Variants in MED16 observed in about 807,000 individuals in gnomAD.
The protein encoded by MED16 is mediator complex subunit 16.
Under a neutral mutation model 84.4 loss-of-function variants are expected in MED16, and 81 were observed. The ratio of observed to expected loss-of-function variants is 0.96; its 90% CI spans 0.80 to 1.15. MED16 has a LOEUF of 1.15. Ranked by LOEUF, MED16 falls within the 50% of genes most tolerant of loss-of-function variation. MED16 has a pLI of 0.00. For synonymous variants in MED16, 897 were observed against 552.2 expected (o/e 1.62, Z -8.76); for missense variants, 1,585 against 1,245.9 (o/e 1.27, Z -4.10).
chr19:872,576 G>A (rs1484513183), intron 11 of MED16, among the ~76,000 whole-genome samples: 2 of 151,854 alleles, frequency 1.3e-5, no homozygotes, highest in Admixed American at 6.6e-5. Flanking sequence ...GTGGAGAAGG[G>A]CGGGCCCCAG....
Position 868,776 on chromosome 19 carries a change from G to A in MED16, c.2399+87C>T, listed in dbSNP as rs369931110. ...CGTGCTCCCTCCACCACCCTTGACC[G>A]TCTGGAGCGCTGGGTGGGGGCTAGA... On this transcript the variant is annotated intron_variant, in intron 14 of 15. Coordinates refer to ENST00000325464, the MANE Select transcript of MED16 (RefSeq NM_005481.3). 671 of 1,389,736 alleles carry A rather than the reference G, an allele frequency of 4.8e-4. 1 individual carries two copies. The highest frequency in any genetic ancestry group is 5.6e-4 in the African/African-American group (39 of 69,594). The allele number at this position is 1,389,736 out of a possible 1,614,324, so 86.1% of individuals were successfully genotyped here.
At chr19:877,781 GCCCCAGCC>G in intron 8 of MED16, among the ~76,000 whole-genome samples, 1 of 32,544 alleles carries the variant, frequency 3.1e-5, no homozygotes, top group South Asian at 1.0e-3. Context: ...CCCAGCCCCA[GCCCCAGCC>G]CCAGCCCCAC....
chr19:890,003 G>C, intron 3 of MED16, 134 bp downstream of exon 3: 1 of 839,972 alleles, frequency 1.2e-6, no homozygotes, highest in Non-Finnish European at 1.8e-6. Context: ...ACTATGGAAA[G>C]AGCAGCAGGT....
Position 881,293 on chromosome 19 carries a change from G to A in MED16, c.1141+266C>T, listed in dbSNP as rs529318878. Among the ~76,000 whole-genome samples, 8 of 152,340 alleles carry A rather than the reference G, an allele frequency of 5.3e-5. No homozygotes were observed. The East Asian group carries it at 1.5e-3, about 29-fold the overall frequency. ...GGAAGGAGTTCCACCAAGTTCCCCA[G>A]GCTCCCTTGTTGATTTGCAATGACT... On this transcript the variant is annotated intron_variant, in intron 7 of 15. Transcript: ENST00000325464.
rs770580004 is a variant in MED16, at chr19:876,979, G to T, written c.1555C>A (p.Gln519Lys). 2.0e-6 allele frequency: 3 copies of T among 1,531,880 alleles called. No individual in the cohort carries two copies. The highest frequency in any genetic ancestry group is 1.9e-5 in the Admixed American group (1 of 53,140). The allele number at this position is 1,531,880 out of a possible 1,614,324, so 94.9% of individuals were successfully genotyped here. A position where few individuals can be genotyped will look rare whatever the true frequency, so the allele number is the denominator to read the frequency against. The change falls in exon 9 of 16, where the codon CAG becomes AAG. Residue 519 changes from glutamine (Q) to lysine (K), a missense_variant. Coordinates refer to ENST00000325464, the MANE Select transcript of MED16 (RefSeq NM_005481.3). ...CACCTGCCACGGGCCCCCACCTGCT[G>T]CAGGGCAGCGGTCTGGCGCGTGTAC... ...EEYTRQTAAL[Q>K]QVLSTRILAM...
At chr19:889,985 T>G (rs537264667) in intron 3 of MED16, 152 bp downstream of exon 3, 104 of 825,644 alleles carry the variant, frequency 1.3e-4, no homozygotes, top group Non-Finnish European at 1.9e-4. Context: ...ACAAGAATGA[T>G]TCGGGCCACT....
chr19:881,722 A>T lies in MED16; in HGVS notation c.986-8T>A. ...TGGGCTGTTTGTCGCCAACTGAAAA[A>T]TCAGGGGCAGGAAAACAGGAAGGCA... is the stretch of plus-strand genomic sequence containing the variant. On this transcript the variant is annotated splice_region_variant and splice_polypyrimidine_tract_variant and intron_variant, in intron 6 of 15. Transcript: ENST00000325464. The T allele has an allele frequency of 6.2e-7, 1 of 1,608,234 alleles. No individual in the cohort carries two copies. Among genetic ancestry groups the T allele is most frequent in the Non-Finnish European group, 8.5e-7 (1 of 1,176,434 alleles).
chr19:868,766 A>AC lies in MED16; in HGVS notation c.2399+96dup, dbSNP rs1160545205. On this transcript the variant is annotated intron_variant, in intron 14 of 15. Coordinates refer to ENST00000325464, the MANE Select transcript of MED16 (RefSeq NM_005481.3). ...CCCTCTGGGACGTGCTCCCTCCACC[A>AC]CCCTTGACCGTCTGGAGCGCTGGGT... 2.4e-5 allele frequency: 32 copies of AC among 1,335,240 alleles called. 1 individual carries two copies. In the East Asian group the frequency reaches 8.1e-4, roughly 34 times the overall value. The allele number at this position is 1,335,240 out of a possible 1,614,324, so 82.7% of individuals were successfully genotyped here.
rs138320149 is a variant in MED16, at chr19:885,842, G to A, written c.807C>T (p.Thr269=). The A allele has an allele frequency of 3.1e-4, 502 of 1,613,754 alleles. No individual in the cohort carries two copies. In the African/African-American group the frequency reaches 4.0e-3, roughly 13 times the overall value. The change falls in exon 5 of 16, where the codon ACC becomes ACT. Residue 269 remains threonine, a synonymous_variant. Coordinates refer to ENST00000325464, the MANE Select transcript of MED16 (RefSeq NM_005481.3). ...GAAACTTGTCCTTGCGGTTGAGGTC[G>A]GTGGTGCAGCGCATGAACAGGGAGG... ...ILPSLFMRCT[T]DLNRKDKFPA... is the part of the protein sequence containing the mutation.
At chr19:890,463 A>G (rs1299085206) in intron 2 of MED16, 6 of 453,614 alleles carry the variant, frequency 1.3e-5, no homozygotes, top group Non-Finnish European at 2.3e-5. Context: ...ACCAGATTAG[A>G]AGAAAATGAC....
intron 12 of MED16, 148 bp downstream of exon 12, chr19:871,778 G>A (rs1568319267): frequency 5.7e-5 from 24 of 424,196 alleles, no homozygotes; most frequent in Admixed American, 1.2e-4. Context: ...GGGGAGAGGG[G>A]AGAGGGGAGA....
rs1467611456 is a variant in MED16, at chr19:871,122, G to A, written c.2230C>T (p.Pro744Ser). 7.1e-6 allele frequency: 11 copies of A among 1,548,466 alleles called. No individual in the cohort carries two copies. Among genetic ancestry groups the A allele is most frequent in the Non-Finnish European group, 9.6e-6 (11 of 1,145,908 alleles). Reference sequence around the variant, plus strand: ...AACTGCAGACGAAGGGGCTGCTTGGGCTGCAGGCGGCTAACCAGGCCGTCG... The same window carrying A: ...AACTGCAGACGAAGGGGCTGCTTGGACTGCAGGCGGCTAACCAGGCCGTCG... ...ASDGLVSRLQ[P>S]KQPLRLQFGR... Residue 744 changes from proline to serine, a missense_variant, in exon 13 of 16, where the codon CCC becomes TCC. Coordinates refer to ENST00000325464, the MANE Select transcript of MED16 (RefSeq NM_005481.3).
intron 4 of MED16, among the ~76,000 whole-genome samples, chr19:887,889 G>C (rs974514463): frequency 5.3e-5 from 8 of 151,830 alleles, no homozygotes; most frequent in African/African-American, 1.9e-4. Context: ...ATGGGGACTG[G>C]GTTTCCTTTT....
Position 868,471 on chromosome 19 carries a change from G to C in MED16, c.2428C>G (p.Pro810Ala). Residue 810 changes from proline (P) to alanine (A), a missense_variant, in exon 15 of 16, where the codon CCC becomes GCC. Coordinates refer to ENST00000325464, the MANE Select transcript of MED16 (RefSeq NM_005481.3). Reference protein sequence around the residue: ...RCGCVTMLKSPNRTTAVKQWE... With the variant: ...RCGCVTMLKSANRTTAVKQWE... ...TGCTTCACCGCCGTGGTTCTGTTGG[G>C]CGACTTGAGCATGGTGACACAGCCG... The C allele has an allele frequency of 6.2e-7, 1 of 1,611,012 alleles. No homozygotes were observed. Among genetic ancestry groups the C allele is most frequent in the Non-Finnish European group, 8.5e-7 (1 of 1,179,876 alleles).
chr19:874,299 A>T (rs1305193097), intron 10 of MED16, among the ~76,000 whole-genome samples: 1 of 152,050 alleles, frequency 6.6e-6, no homozygotes, highest in Non-Finnish European at 1.5e-5. Context: ...TTTTTAGTAG[A>T]GACGGGGTTT....
chr19:886,726 A>C (rs1465801658), intron 4 of MED16, among the ~76,000 whole-genome samples: 2 of 152,252 alleles, frequency 1.3e-5, no homozygotes, highest in Non-Finnish European at 2.9e-5. Flanking sequence ...CAAATTTGTC[A>C]AGTCATTATT....
At chr19:873,188 GGCTAGGAAGTGGGGGT>G in intron 11 of MED16, 1 of 528,194 alleles carries the variant, frequency 1.9e-6, no homozygotes, top group South Asian at 2.1e-5. Context: ...AGTGGGGCAG[GGCTAGGAAGTGGGGGT>G]TTAAGAAGAG....
In MED16 at chr19:880,029, G is replaced by A. The variant is rs757403542; in HGVS notation, c.1261C>T (p.Arg421Cys). ...PRPVDEPAMK[R>C]PRTAGPAVHL... ...ACGGCGGGGCCCGCGGTGCGGGGGC[G>A]CTTCATGGCCGGCTCATCCACAGGC... The change falls in exon 8 of 16, where the codon CGC becomes TGC. Residue 421 changes from arginine to cysteine, a missense_variant. Coordinates refer to ENST00000325464, the MANE Select transcript of MED16 (RefSeq NM_005481.3). The A allele has an allele frequency of 1.2e-5, 19 of 1,610,636 alleles. No individual in the cohort carries two copies. Among genetic ancestry groups the A allele is most frequent in the South Asian group, 6.6e-5 (6 of 90,818 alleles).
At position 867,968 on chromosome 19, in the gene MED16, GCA is replaced by G; in HGVS notation, c.*131_*132del. The G allele has an allele frequency of 8.1e-7, 1 of 1,232,568 alleles. No individual in the cohort carries two copies. Among genetic ancestry groups the G allele is most frequent in the Non-Finnish European group, 1.1e-6 (1 of 911,230 alleles). 76.4% of individuals were successfully genotyped at this position (1,232,568 alleles called of 1,614,324 possible). A position where few individuals can be genotyped will look rare whatever the true frequency, so the allele number is the denominator to read the frequency against. ...CGACGGCAGGGACGCGGGCCTGGGC[GCA>G]GAGGGCGTTTATTGGACCTGTCCTT... is the stretch of plus-strand genomic sequence containing the variant. On this transcript the variant is annotated 3_prime_UTR_variant, in exon 16 of 16. Transcript: ENST00000325464.
Sources: gnomAD v4.1 joint callset for allele counts (sites outside exome capture counted in the v4.1 genomes callset) on GRCh38, gnomAD v4.1.1 for gene constraint, MANE v1.5 for transcripts, NCBI Gene and HGNC (gene_info 2026-07-23, HGNC 2026-07-21) for gene names.